The following EDEM3 variants were observed in gnomAD, a reference collection of about 807,000 sequenced individuals.
EDEM3 encodes the protein ER degradation enhancing alpha-mannosidase like protein 3.
Under a neutral mutation model 110.2 loss-of-function variants are expected in EDEM3, and 60 were observed. The ratio of observed to expected loss-of-function variants is 0.54; its 90% CI spans 0.44 to 0.67. The LOEUF (loss-of-function observed/expected upper bound fraction) is 0.67. Ranked by LOEUF, EDEM3 falls within the 30% of genes least tolerant of loss-of-function variation. The pLI is 0.00. For synonymous variants in EDEM3, 352 were observed against 382.9 expected, an observed-to-expected ratio of 0.92 and a Z score of 0.94; for missense variants, 996 against 1,121.0, an observed-to-expected ratio of 0.89 and a Z score of 1.59.
At chr1:184,719,594 G>A in intron 9 of EDEM3, 26 bp from the exon 10 acceptor site, 1 of 1,610,192 alleles carries the variant, frequency 6.2e-7, no homozygotes, top group South Asian at 1.1e-5. Flanking sequence ...ATGTGTTCAT[G>A]AAAGTTAGAT....
At position 184,694,248 on chromosome 1, in the gene EDEM3, C is replaced by T. The variant is rs267598231; in HGVS notation, c.2614G>A (p.Glu872Lys). ...CATTCACCATTAAGATTTGTAGTCT[C>T]ATGGTTTTCTGTGGGATTAGAAGTC... ...EQTSNPTENH[E>K]TTNLNGECTD... Residue 872 changes from glutamate (E) to lysine (K), a missense_variant, in exon 20 of 20, where the codon GAG becomes AAG. By Grantham distance (56) the Glu-to-Lys change is moderately conservative. Transcript: ENST00000318130. The T allele has an allele frequency of 6.2e-7, 1 of 1,613,334 alleles. No individual in the cohort carries two copies. The highest frequency in any genetic ancestry group is 8.5e-7 in the Non-Finnish European group (1 of 1,179,592).
chr1:184,734,446 G>T, intron 5 of EDEM3, 85 bp downstream of exon 5: 1 of 457,616 alleles, frequency 2.2e-6, no homozygotes, highest in Non-Finnish European at 3.3e-6. Flanking sequence ...CAGCCTGGGT[G>T]ACTGAGCAAG....
rs373608074 is a variant in EDEM3 at position 184,734,545 on chromosome 1, G to A, written c.444C>T (p.Asn148=). The A allele has an allele frequency of 2.5e-5, 37 of 1,483,520 alleles. No individual in the cohort carries two copies. The African/African-American group carries it at 4.7e-4, about 19-fold the overall frequency. The allele number at this position is 1,483,520 out of a possible 1,614,324, so 91.9% of individuals were successfully genotyped here. ...NDVVVSVFET[N]IRVLGGLLGG... ...TTCATACTTACCCAAGAACTCTGAT[G>A]TTTGTTTCAAAGACTGATACGACTA... Residue 148 remains asparagine (N), a synonymous_variant, in exon 5 of 20, where the codon AAC becomes AAT. Transcript: ENST00000318130.
At chr1:184,698,771 GCAGAGAGAGAGACAGAGA>G in intron 19 of EDEM3, among the ~76,000 whole-genome samples, 1 of 151,426 alleles carries the variant, frequency 6.6e-6, no homozygotes, top group African/African-American at 2.4e-5. Flanking sequence ...ATGTAGAGAA[GCAGAGAGAGAGACAGAGA>G]CAGAGAGAGA....
intron 7 of EDEM3, among the ~76,000 whole-genome samples, chr1:184,725,715 A>T (rs149538430): frequency 6.6e-6 from 1 of 152,136 alleles, no homozygotes; most frequent in East Asian, 1.9e-4. Flanking sequence ...ACATGCTTAA[A>T]TAATTAGATT....
chr1:184,727,648 G>A (rs1271073660), intron 6 of EDEM3, among the ~76,000 whole-genome samples: 1 of 152,142 alleles, frequency 6.6e-6, no homozygotes, highest in Non-Finnish European at 1.5e-5. Flanking sequence ...GTAAAACGTA[G>A]GTGAGAGATG....
intron 19 of EDEM3, chr1:184,701,376 A>G (rs1649609771): frequency 5.3e-6 from 2 of 377,040 alleles, no homozygotes; most frequent in Admixed American, 1.0e-4. Flanking sequence ...TAATTACGTT[A>G]CACAAGATAT....
intron 2 of EDEM3, among the ~76,000 whole-genome samples, chr1:184,743,738 A>G (rs1445431802): frequency 6.6e-6 from 1 of 152,196 alleles, no homozygotes; most frequent in Non-Finnish European, 1.5e-5. Flanking sequence ...ATAAGGGTAG[A>G]TAGATCAACA....
intron 2 of EDEM3, among the ~76,000 whole-genome samples, chr1:184,747,793 T>C (rs1446483173): frequency 6.6e-6 from 1 of 152,246 alleles, no homozygotes; most frequent in Admixed American, 6.5e-5. Context: ...GTCACAAACC[T>C]ACTAAGTGTA....
At chr1:184,706,351 A>G (rs1649926244) in intron 18 of EDEM3, among the ~76,000 whole-genome samples, 1 of 152,038 alleles carries the variant, frequency 6.6e-6, no homozygotes, top group East Asian at 1.9e-4. Flanking sequence ...TCTCATGGGC[A>G]CCTTTTCTTA....
chr1:184,727,128 C>T (rs2102099624), intron 6 of EDEM3, among the ~76,000 whole-genome samples: 1 of 152,302 alleles, frequency 6.6e-6, no homozygotes, highest in East Asian at 1.9e-4. Flanking sequence ...CCCATCTCTA[C>T]TAAAAATACA....
chr1:184,723,789 AC>A lies in EDEM3; in HGVS notation c.814del (p.Val272Ter). On this transcript the variant is annotated frameshift_variant, in exon 8 of 20. Transcript: ENST00000318130. LOFTEE classifies it high-confidence loss of function. ...KRQRSSNLVG[V>X]TINIHTGDWV... Reference sequence around the variant, plus strand: ...ATCTCCAGTATGAATATTTATAGTCACGCCCACTAAATTACTACTTCGCTGT... The same window carrying A: ...ATCTCCAGTATGAATATTTATAGTCAGCCCACTAAATTACTACTTCGCTGT... The A allele has an allele frequency of 6.2e-7, 1 of 1,601,950 alleles. No individual in the cohort carries two copies.
intron 2 of EDEM3, among the ~76,000 whole-genome samples, chr1:184,737,958 C>A (rs1651928011): frequency 1.3e-5 from 2 of 152,130 alleles, no homozygotes; most frequent in Admixed American, 1.3e-4. Flanking sequence ...CCCAATCTCA[C>A]TTCCTAGAGC....
rs1366914335 is a variant in EDEM3 at position 184,693,934 on chromosome 1, C to G, written c.*129G>C. ...AGATTCCTACGATAACTACGCCAGTCAGAACGTGGTTGTTCATCACCATAC... is the reference window on the plus strand; with the variant it reads ...AGATTCCTACGATAACTACGCCAGTGAGAACGTGGTTGTTCATCACCATAC... On this transcript the variant is annotated 3_prime_UTR_variant, in exon 20 of 20. Transcript: ENST00000318130. The G allele has an allele frequency of 1.1e-6, 1 of 909,412 alleles. No individual in the cohort carries two copies. The highest frequency in any genetic ancestry group is 1.6e-6 in the Non-Finnish European group (1 of 609,500). 56.3% of individuals were successfully genotyped at this position (909,412 alleles called of 1,614,324 possible).
chr1:184,714,006 T>A (rs1370241260), intron 13 of EDEM3, among the ~76,000 whole-genome samples: 2 of 152,230 alleles, frequency 1.3e-5, no homozygotes, highest in Non-Finnish European at 2.9e-5. Context: ...CCATTTTGGA[T>A]ATTAATCTTT....
At chr1:184,731,884 A>G (rs540051808) in intron 6 of EDEM3, among the ~76,000 whole-genome samples, 7 of 152,336 alleles carry the variant, frequency 4.6e-5, no homozygotes, top group Middle Eastern at 3.4e-3. Flanking sequence ...GTTAAATGAA[A>G]TAAGCCAGGC....
At position 184,712,418 on chromosome 1, in the gene EDEM3, C is replaced by A; in HGVS notation, c.1536+15G>T. On this transcript the variant is annotated intron_variant, in intron 14 of 19. Coordinates refer to ENST00000318130, the MANE Select transcript of EDEM3 (RefSeq NM_025191.4). ...AAATAAAAAAGAGAATAAGACATTTCATTTAAAAACTCACTGTGTTCTTTT... is the reference window on the plus strand; with the variant it reads ...AAATAAAAAAGAGAATAAGACATTTAATTTAAAAACTCACTGTGTTCTTTT... The A allele has an allele frequency of 6.4e-7, 1 of 1,574,414 alleles. No individual in the cohort carries two copies. Among genetic ancestry groups the A allele is most frequent in the East Asian group, 2.3e-5 (1 of 43,742 alleles).
intron 7 of EDEM3, 113 bp downstream of exon 7, chr1:184,726,142 T>C (rs1017302802): frequency 2.9e-6 from 4 of 1,370,814 alleles, no homozygotes; most frequent in Non-Finnish European, 3.9e-6. Flanking sequence ...GACAAAAAGT[T>C]CACTAAAATA....
In EDEM3 at chr1:184,691,175, A is replaced by C. The variant is rs1649047147; in HGVS notation, c.*2888T>G. 1 of 152,548 alleles carries C rather than the reference A, an allele frequency of 6.6e-6. No individual in the cohort carries two copies. The highest frequency in any genetic ancestry group is 6.5e-5 in the Admixed American group (1 of 15,270). The allele number at this position is 152,548 out of a possible 1,614,324, so 9.4% of individuals were successfully genotyped here. A position where few individuals can be genotyped will look rare whatever the true frequency, so the allele number is the denominator to read the frequency against. On this transcript the variant is annotated 3_prime_UTR_variant, in exon 20 of 20. Coordinates refer to ENST00000318130, the MANE Select transcript of EDEM3 (RefSeq NM_025191.4). ...GGAAGCCTATTGCAATTTAAGAAGAAAAAAGAAAACTTGCCTAACAAAATA... is the reference window on the plus strand; with the variant it reads ...GGAAGCCTATTGCAATTTAAGAAGACAAAAGAAAACTTGCCTAACAAAATA...
Sources: gnomAD v4.1 joint callset for allele counts (sites outside exome capture counted in the v4.1 genomes callset) on GRCh38, gnomAD v4.1.1 for gene constraint, MANE v1.5 for transcripts, NCBI Gene and HGNC (gene_info 2026-07-23, HGNC 2026-07-21) for gene names.